EGFR: variants seen among roughly 807,000 people sequenced by gnomAD.
EGFR encodes the protein epidermal growth factor receptor.
In EGFR, 58 loss-of-function variants were observed where a neutral mutation model predicts 143.0. The observed-to-expected ratio is 0.41, with a 90% CI of 0.33 to 0.50. The LOEUF is 0.50. Ranked by LOEUF, EGFR falls within the 20% of genes least tolerant of loss-of-function variation. EGFR has a pLI of 0.39. For synonymous variants in EGFR, 613 were observed against 594.4 expected, an observed-to-expected ratio of 1.03 and a Z score of -0.45; for missense variants, 1,307 against 1,579.0, an observed-to-expected ratio of 0.83 and a Z score of 2.92.
chr7:55,051,947 TAGTCTCTCCAG>T (rs1788515521), intron 1 of EGFR, among the ~76,000 whole-genome samples: 1 of 152,248 alleles, frequency 6.6e-6, no homozygotes, highest in South Asian at 2.1e-4. Context: ...GCTCTTCAAA[TAGTCTCTCCAG>T]CTAGACTATC....
rs1562790711 is a variant in EGFR at position 55,181,370 on chromosome 7, G to GTGCAA, written c.2361_2362insTGCAA (p.Leu788CysfsTer40). 6.2e-7 allele frequency: 1 copy of GTGCAA among 1,613,966 alleles called. No individual in the cohort carries two copies. Among genetic ancestry groups the GTGCAA allele is most frequent in the Non-Finnish European group, 8.5e-7 (1 of 1,179,990 alleles). ...GCATCTGCCTCACCTCCACCGTGCA[G>GTGCAA]CTCATCACGCAGCTCATGCCCTTCG... On this transcript the variant is annotated frameshift_variant, in exon 20 of 28. Coordinates refer to ENST00000275493, the MANE Select transcript of EGFR (RefSeq NM_005228.5). LOFTEE classifies it high-confidence loss of function.
chr7:55,026,593 G>A (rs142977608), intron 1 of EGFR, among the ~76,000 whole-genome samples: 4 of 152,192 alleles, frequency 2.6e-5, no homozygotes, highest in Middle Eastern at 3.4e-3. Context: ...TGCTAGTCCC[G>A]AGATAACCCC....
chr7:55,048,875 T>C (rs924061544), intron 1 of EGFR, among the ~76,000 whole-genome samples: 7 of 152,186 alleles, frequency 4.6e-5, no homozygotes, highest in African/African-American at 1.7e-4. Flanking sequence ...CTCTAAGAAT[T>C]TAAGGAGCAT....
Position 55,206,634 on chromosome 7 carries a change from G to A in EGFR, c.*1017G>A, listed in dbSNP as rs111347164. 230 of 233,272 alleles carry A rather than the reference G, an allele frequency of 9.9e-4. No individual in the cohort carries two copies. The highest frequency in any genetic ancestry group is 4.9e-3 in the African/African-American group (221 of 45,460). 14.5% of individuals were successfully genotyped at this position (233,272 alleles called of 1,614,324 possible). A position where few individuals can be genotyped will look rare whatever the true frequency, so the allele number is the denominator to read the frequency against. The stretch of plus-strand genomic sequence containing the variant: ...AAGACTACAAAAATGAAGCTGCTCT[G>A]AAATCTCCTTTAGCCATCACCCCAA... On this transcript the variant is annotated 3_prime_UTR_variant, in exon 28 of 28. Coordinates refer to ENST00000275493, the MANE Select transcript of EGFR (RefSeq NM_005228.5).
intron 1 of EGFR, among the ~76,000 whole-genome samples, chr7:55,046,485 C>T (rs551652316): frequency 3.6e-4 from 54 of 151,654 alleles, no homozygotes; most frequent in Non-Finnish European, 5.6e-4. Flanking sequence ...CTTCATGGCT[C>T]TGGGAGTCAT....
intron 1 of EGFR, among the ~76,000 whole-genome samples, chr7:55,053,600 C>T (rs1788615741): frequency 6.6e-6 from 1 of 152,244 alleles, no homozygotes; most frequent in Non-Finnish European, 1.5e-5. Flanking sequence ...GCTGAGTTTG[C>T]TGTGTCTTCC....
At chr7:55,025,251 A>G (rs555991573) in intron 1 of EGFR, among the ~76,000 whole-genome samples, 8 of 152,298 alleles carry the variant, frequency 5.3e-5, no homozygotes, top group Admixed American at 5.2e-4. Flanking sequence ...GGCATTGGAA[A>G]CAGGAAGGTT....
chr7:55,030,518 G>C (rs1003190894), intron 1 of EGFR, among the ~76,000 whole-genome samples: 1 of 152,108 alleles, frequency 6.6e-6, no homozygotes, highest in African/African-American at 2.4e-5. Flanking sequence ...ACTTTTCAAC[G>C]TTGTGTCATC....
intron 1 of EGFR, among the ~76,000 whole-genome samples, chr7:55,106,759 T>C (rs1792155727): frequency 6.6e-6 from 1 of 152,210 alleles, no homozygotes; most frequent in African/African-American, 2.4e-5. Context: ...ATCCTTAATG[T>C]GATGGTTTAT....
intron 4 of EGFR, 57 bp from the exon 5 acceptor site, chr7:55,151,237 C>T (rs573402976): frequency 7.0e-5 from 107 of 1,532,736 alleles, no homozygotes; most frequent in African/African-American, 2.9e-4. Flanking sequence ...CGGGAAAGGG[C>T]GTCATCAGTT....
intron 1 of EGFR, among the ~76,000 whole-genome samples, chr7:55,077,208 G>C (rs1790177125): frequency 6.6e-6 from 1 of 152,144 alleles, no homozygotes; most frequent in South Asian, 2.1e-4. Context: ...AAATATGGCA[G>C]TTTTATTGAC....
chr7:55,027,368 C>G (rs1786953685), intron 1 of EGFR, among the ~76,000 whole-genome samples: 1 of 152,200 alleles, frequency 6.6e-6, no homozygotes, highest in South Asian at 2.1e-4. Context: ...CTTGTAGGCC[C>G]TGTGCTCCTT....
intron 1 of EGFR, among the ~76,000 whole-genome samples, chr7:55,082,389 T>A (rs1352222214): frequency 1.3e-5 from 2 of 152,186 alleles, no homozygotes; most frequent in African/African-American, 4.8e-5. Flanking sequence ...TGTTTTGGCT[T>A]GTTTGTTTCC....
At chr7:55,055,391 G>C (rs892446898) in intron 1 of EGFR, among the ~76,000 whole-genome samples, 20 of 152,024 alleles carry the variant, frequency 1.3e-4, no homozygotes, top group Non-Finnish European at 2.6e-4. Context: ...CTGTTCTAAC[G>C]TGCAGATCTG....
chr7:55,060,756 G>A (rs1244163164), intron 1 of EGFR, among the ~76,000 whole-genome samples: 2 of 152,180 alleles, frequency 1.3e-5, no homozygotes, highest in African/African-American at 4.8e-5. Flanking sequence ...GCAGTTCCCT[G>A]TGAAAGGGTA....
At chr7:55,043,813 T>A in intron 1 of EGFR, 1 of 152,258 alleles carries the variant, frequency 6.6e-6, no homozygotes, top group Admixed American at 6.5e-5. Flanking sequence ...GTCCTGTTCT[T>A]CATTCCTCTT....
chr7:55,190,740 C>T (rs1787356733), intron 20 of EGFR, among the ~76,000 whole-genome samples: 1 of 152,166 alleles, frequency 6.6e-6, no homozygotes, highest in Admixed American at 6.5e-5. Context: ...AGAAAGGTGG[C>T]CCACCCTCTT....
chr7:55,145,389 C>T lies in EGFR; in HGVS notation c.425-1217C>T, dbSNP rs201326427. ...CTCCAACCTGATAAACAAAGCACCACGATTCAGCCCTTATGACCCCAAGCT... is the reference window on the plus strand; with the variant it reads ...CTCCAACCTGATAAACAAAGCACCATGATTCAGCCCTTATGACCCCAAGCT... On this transcript the variant is annotated intron_variant, in intron 3 of 27. Transcript: ENST00000275493. 1.1e-4 allele frequency among the ~76,000 whole-genome samples: 16 copies of T among 152,336 alleles called. No homozygotes were observed. The East Asian group carries it at 1.7e-3, about 17-fold the overall frequency.
chr7:55,169,898 C>T (rs1298554314), intron 15 of EGFR, among the ~76,000 whole-genome samples: 3 of 152,204 alleles, frequency 2.0e-5, no homozygotes, highest in African/African-American at 7.2e-5. Flanking sequence ...AGAAAATTTG[C>T]AGTTTCAATC....
Sources: allele counts gnomAD v4.1 joint callset (sites outside exome capture counted in the v4.1 genomes callset), GRCh38; gene constraint gnomAD v4.1.1; transcripts MANE v1.5; gene names NCBI Gene and HGNC (gene_info 2026-07-23, HGNC 2026-07-21).